CSGALNACT1: variants seen among roughly 807,000 people sequenced by gnomAD.
CSGALNACT1 encodes beta4GalNAcT-1.
CSGALNACT1 carries 52 observed loss-of-function variants against 51.0 expected under a neutral mutation model. That is an observed-to-expected ratio of 1.02 (90% CI 0.82 to 1.29). The LOEUF (loss-of-function observed/expected upper bound fraction) is 1.29, where lower values mean the gene tolerates loss of function less well. Among genes scored for constraint, CSGALNACT1 ranks in the 50% most tolerant of loss-of-function variants. The pLI is 0.00. For synonymous variants in CSGALNACT1, 341 were observed against 254.4 expected, an observed-to-expected ratio of 1.34 and a Z score of -3.24; for missense variants, 935 against 679.2, an observed-to-expected ratio of 1.38 and a Z score of -4.19.
rs936648724 is a variant in CSGALNACT1 at position 19,498,090 on chromosome 8, C to T, written c.634+7111G>A. On this transcript the variant is annotated intron_variant, in intron 4 of 9. Transcript: ENST00000454498. ...TCAGAACCTCCTCAGGCTGTGTCAA[C>T]GGGCACGTATCCACGACCGTGACAA... Among the ~76,000 whole-genome samples, 14 of 152,142 alleles carry T rather than the reference C, an allele frequency of 9.2e-5. No homozygotes were observed. In the South Asian group the frequency reaches 1.0e-3, roughly 11 times the overall value.
intron 1 of CSGALNACT1, among the ~76,000 whole-genome samples, chr8:19,725,085 C>A (rs560345031): frequency 6.6e-6 from 1 of 152,328 alleles, no homozygotes; most frequent in South Asian, 2.1e-4. Flanking sequence ...TGCTGTTTAA[C>A]CTGATGCAGG....
At chr8:19,515,647 A>T (rs77177105) in intron 3 of CSGALNACT1, among the ~76,000 whole-genome samples, 3,438 of 152,344 alleles carry the variant, frequency 0.023, 121 homozygotes, top group African/African-American at 0.079. Flanking sequence ...GGCACCTGCT[A>T]ATCAGAAAAT....
intron 1 of CSGALNACT1, among the ~76,000 whole-genome samples, chr8:19,751,626 T>A (rs780381622): frequency 6.6e-6 from 1 of 152,098 alleles, no homozygotes; most frequent in African/African-American, 2.4e-5. Context: ...CCCACCGAAA[T>A]CTCATGTCAA....
intron 1 of CSGALNACT1, among the ~76,000 whole-genome samples, chr8:19,631,712 T>C (rs1436408597): frequency 1.3e-5 from 2 of 152,232 alleles, no homozygotes; most frequent in Non-Finnish European, 2.9e-5. Flanking sequence ...ACACCTTAAG[T>C]ATAAAATAAA....
At chr8:19,599,526 A>AAGAAAGAAAGAAAGAG (rs2049911201) in intron 2 of CSGALNACT1, among the ~76,000 whole-genome samples, 1 of 110,114 alleles carries the variant, frequency 9.1e-6, no homozygotes, top group South Asian at 3.4e-4. Context: ...GAAAGAAAGA[A>AAGAAAGAAAGAAAGAG]AAGAAAGAAA....
At chr8:19,535,847 T>C (rs964058434) in intron 3 of CSGALNACT1, among the ~76,000 whole-genome samples, 6 of 152,156 alleles carry the variant, frequency 3.9e-5, no homozygotes, top group Non-Finnish European at 8.8e-5. Flanking sequence ...ATAAGGAATA[T>C]CTACAATAAA....
At chr8:19,404,208 T>C in exon 10 of CSGALNACT1, 1 of 391,180 alleles carries the variant, frequency 2.6e-6, no homozygotes, top group South Asian at 1.9e-5. Context: ...CCACCTTCCA[T>C]TCATGGCCTG....
chr8:19,626,452 G>T (rs543881993), intron 1 of CSGALNACT1, among the ~76,000 whole-genome samples: 75 of 152,154 alleles, frequency 4.9e-4, no homozygotes, highest in African/African-American at 1.8e-3. Context: ...ATGGATCCTA[G>T]ATCTCAATGT....
chr8:19,693,626 C>CG (rs2061441161), intron 1 of CSGALNACT1, among the ~76,000 whole-genome samples: 2 of 152,116 alleles, frequency 1.3e-5, no homozygotes, highest in Admixed American at 1.3e-4. Context: ...GACCTGTCTA[C>CG]AGGGAGCCCC....
intron 4 of CSGALNACT1, among the ~76,000 whole-genome samples, chr8:19,478,272 G>C (rs932597248): frequency 5.9e-5 from 9 of 152,032 alleles, no homozygotes; most frequent in Non-Finnish European, 1.3e-4. Flanking sequence ...AAATTGGCCG[G>C]GTGTGGTGGC....
At chr8:19,664,630 C>G (rs2059031129) in intron 1 of CSGALNACT1, among the ~76,000 whole-genome samples, 1 of 141,348 alleles carries the variant, frequency 7.1e-6, no homozygotes, top group South Asian at 2.4e-4. Flanking sequence ...TGTATGTACA[C>G]ACACACAAAC....
chr8:19,460,173 A>G (rs1169317500), intron 4 of CSGALNACT1, among the ~76,000 whole-genome samples: 1 of 152,230 alleles, frequency 6.6e-6, no homozygotes, highest in East Asian at 1.9e-4. Context: ...GTTATACAGC[A>G]GTCCCCATTT....
chr8:19,746,981 A>C (rs529303726), intron 1 of CSGALNACT1, among the ~76,000 whole-genome samples: 6 of 152,148 alleles, frequency 3.9e-5, no homozygotes, highest in Non-Finnish European at 1.5e-5. Flanking sequence ...TAAAGAGCCA[A>C]TGCCTCCCAC....
intron 1 of CSGALNACT1, among the ~76,000 whole-genome samples, chr8:19,677,284 T>C (rs187256467): frequency 1.3e-5 from 2 of 152,308 alleles, no homozygotes; most frequent in Non-Finnish European, 2.9e-5. Flanking sequence ...AATTTTTTTA[T>C]ATCTTTTACA....
Position 19,496,637 on chromosome 8 carries a change from G to T in CSGALNACT1, c.634+8564C>A, listed in dbSNP as rs535428035. On this transcript the variant is annotated intron_variant, in intron 4 of 9. Coordinates refer to ENST00000454498, the Ensembl canonical transcript of CSGALNACT1. ...TCCAAGACTTTTTTGGAACTTAGTA[G>T]AGAGGTGAAGTCACGGAGCAAACAG... Among the ~76,000 whole-genome samples the T allele has an allele frequency of 3.9e-5, 6 of 152,340 alleles. No individual in the cohort carries two copies. The South Asian group carries it at 1.2e-3, about 32-fold the overall frequency.
intron 3 of CSGALNACT1, among the ~76,000 whole-genome samples, chr8:19,564,356 C>T (rs1236665037): frequency 6.6e-6 from 1 of 151,908 alleles, no homozygotes; most frequent in Non-Finnish European, 1.5e-5. Flanking sequence ...CTAGTCCCAT[C>T]CTCAGAAATT....
At chr8:19,506,117 C>T (rs1484178305) in exon 4 of CSGALNACT1, 1 of 625,814 alleles carries the variant, frequency 1.6e-6, no homozygotes, top group Non-Finnish European at 3.0e-6. Context: ...GTGCAGCCAA[C>T]AGCAAGAGGG....
At position 19,688,685 on chromosome 8, in the gene CSGALNACT1, C is replaced by T. The variant is rs1233000270; in HGVS notation, c.-297+69165G>A. 3 of 152,222 alleles carry T rather than the reference C, an allele frequency of 2.0e-5. No individual in the cohort carries two copies. In the East Asian group the frequency reaches 5.8e-4, roughly 29 times the overall value. 9.4% of individuals were successfully genotyped at this position (152,222 alleles called of 1,614,324 possible). ...AAATAGATAGGAATATGAAAGCTCTCTCAGCCCACTGTATCCTTCTCCCTC... is the reference window on the plus strand; with the variant it reads ...AAATAGATAGGAATATGAAAGCTCTTTCAGCCCACTGTATCCTTCTCCCTC... On this transcript the variant is annotated intron_variant, in intron 1 of 1. Coordinates refer to the CSGALNACT1 transcript ENST00000517494.
At chr8:19,601,244 G>T (rs1372449377) in intron 2 of CSGALNACT1, among the ~76,000 whole-genome samples, 1 of 152,180 alleles carries the variant, frequency 6.6e-6, no homozygotes, top group Non-Finnish European at 1.5e-5. Flanking sequence ...TATTCTCAAA[G>T]AGCTCTAGAC....
Sources: gnomAD v4.1 joint callset for allele counts (sites outside exome capture counted in the v4.1 genomes callset) on GRCh38, gnomAD v4.1.1 for gene constraint, MANE v1.5 for transcripts, NCBI Gene and HGNC (gene_info 2026-07-23, HGNC 2026-07-21) for gene names.